The following SYNE2 variants were observed in gnomAD, a reference collection of about 807,000 sequenced individuals.
SYNE2 encodes the protein spectrin repeat containing nuclear envelope protein 2, also known as nesprin-2.
In SYNE2, 431 loss-of-function variants were observed where a neutral mutation model predicts 856.3. The observed-to-expected ratio is 0.50, with a 90% CI of 0.47 to 0.55. SYNE2 has a LOEUF of 0.55. SYNE2 is among the 20% of genes least tolerant of loss of function. The pLI is 0.00. For synonymous variants in SYNE2, 2,923 were observed against 2,872.3 expected, an observed-to-expected ratio of 1.02 and a Z score of -0.56; for missense variants, 8,129 against 8,023.2, an observed-to-expected ratio of 1.01 and a Z score of -0.50.
rs766395166 is a variant in SYNE2 at position 64,081,611 on chromosome 14, A to G, written c.11484+31A>G. Reference sequence around the variant, plus strand: ...TGTTCTTCCAGGTTTTCTGCCACTCATAGCATCTACATAAAGATTCGTGGC... The same window carrying G: ...TGTTCTTCCAGGTTTTCTGCCACTCGTAGCATCTACATAAAGATTCGTGGC... On this transcript the variant is annotated intron_variant, in intron 57 of 115. Transcript: ENST00000555002. The G allele has an allele frequency of 5.6e-6, 9 of 1,612,304 alleles. No individual in the cohort carries two copies. In the East Asian group the frequency reaches 1.1e-4, roughly 20 times the overall value.
intron 58 of SYNE2, 39 bp from the exon 59 acceptor site, chr14:64,089,535 C>T: frequency 6.3e-7 from 1 of 1,579,268 alleles, no homozygotes; most frequent in Non-Finnish European, 8.7e-7. Context: ...GATTAATATA[C>T]AATATATATT....
chr14:63,910,967 CTTTTGTTTG>C (rs1414265219), intron 2 of SYNE2, among the ~76,000 whole-genome samples: 3 of 152,034 alleles, frequency 2.0e-5, no homozygotes, highest in African/African-American at 7.2e-5. Flanking sequence ...TCTGCTTTTT[CTTTTGTTTG>C]TTTTGTTTTA....
In SYNE2 at chr14:64,143,502, G is replaced by T. The variant is rs17101694; in HGVS notation, c.15307-270G>T. ...TTGTCATATCCTGGGTCGTGGTCAG[G>T]GTTCAGATGATAGCAACTGCCATAC... On this transcript the variant is annotated intron_variant, in intron 82 of 115. Coordinates refer to ENST00000555002, the MANE Select transcript of SYNE2 (RefSeq NM_182914.3). 0.064 allele frequency among the ~76,000 whole-genome samples: 9,764 copies of T among 152,202 alleles called. 487 individuals carry two copies. The highest frequency in any genetic ancestry group is 0.13 in the African/African-American group (5,438 of 41,498).
At chr14:64,219,787 G>A (rs2098686259) in intron 110 of SYNE2, among the ~76,000 whole-genome samples, 1 of 152,170 alleles carries the variant, frequency 6.6e-6, no homozygotes, top group Admixed American at 6.5e-5. Context: ...GACTAGTGGT[G>A]GAATCTTCCT....
Position 63,884,832 on chromosome 14 carries a change from G to T in SYNE2, c.-51-24266G>T, listed in dbSNP as rs533512519. Reference sequence around the variant, plus strand: ...TATATATATATTTTTAGTAGAGATGGGGTTTCACCGGGTTAGCCAGGATGG... The same window carrying T: ...TATATATATATTTTTAGTAGAGATGTGGTTTCACCGGGTTAGCCAGGATGG... On this transcript the variant is annotated intron_variant, in intron 1 of 115. Coordinates refer to ENST00000555002, the MANE Select transcript of SYNE2 (RefSeq NM_182914.3). 3.3e-5 allele frequency among the ~76,000 whole-genome samples: 5 copies of T among 152,088 alleles called. No homozygotes were observed. In the South Asian group the frequency reaches 1.0e-3, roughly 32 times the overall value.
chr14:64,122,667 A>G (rs1178182849), intron 70 of SYNE2: 1 of 625,284 alleles, frequency 1.6e-6, no homozygotes, highest in Non-Finnish European at 2.8e-6. Context: ...CTGTTTGTTT[A>G]TAGTCTGTAT....
chr14:64,201,119 C>T (rs1023335567), intron 99 of SYNE2, among the ~76,000 whole-genome samples: 38 of 152,254 alleles, frequency 2.5e-4, no homozygotes, highest in African/African-American at 8.9e-4. Flanking sequence ...TCAGAGTCAG[C>T]GGTTAGGTAC....
intron 84 of SYNE2, among the ~76,000 whole-genome samples, chr14:64,150,420 C>G (rs2098231490): frequency 6.7e-6 from 1 of 150,150 alleles, no homozygotes; most frequent in African/African-American, 2.4e-5. Context: ...AGAGTTTTGT[C>G]ATGTTTCCCA....
In SYNE2 at chr14:63,797,631, G is replaced by A. The variant is rs1244539160; in HGVS notation, c.-305+35645G>A. Among the ~76,000 whole-genome samples, 8 of 152,258 alleles carry A rather than the reference G, an allele frequency of 5.3e-5. No individual in the cohort carries two copies. In the East Asian group the frequency reaches 9.7e-4, roughly 18 times the overall value. On this transcript the variant is annotated intron_variant, in intron 1 of 23. Coordinates refer to the SYNE2 transcript ENST00000674003. ...TAATTTTTGTATTTTCAGTAGAGAC[G>A]GGGTTTCGCCATGTTGGCCAGCCTG... is the stretch of plus-strand genomic sequence containing the variant.
intron 11 of SYNE2, among the ~76,000 whole-genome samples, chr14:63,971,696 G>A (rs1310228695): frequency 6.6e-6 from 1 of 151,328 alleles, no homozygotes; most frequent in Non-Finnish European, 1.5e-5. Flanking sequence ...AGAGATCTGA[G>A]TTTCTATTGA....
chr14:64,062,083 G>GCATACAA (rs2097321825), intron 49 of SYNE2, among the ~76,000 whole-genome samples: 1 of 151,958 alleles, frequency 6.6e-6, no homozygotes, highest in South Asian at 2.1e-4. Context: ...TAATTTTAGT[G>GCATACAA]TTTTAAAATA....
Position 64,186,424 on chromosome 14 carries a change from G to C in SYNE2, c.17557G>C (p.Glu5853Gln), listed in dbSNP as rs1158170304. 3.1e-6 allele frequency: 5 copies of C among 1,614,146 alleles called. No homozygotes were observed. The highest frequency in any genetic ancestry group is 3.4e-6 in the Non-Finnish European group (4 of 1,180,026). Residue 5853 changes from glutamate (E) to glutamine (Q), a missense_variant and splice_region_variant, in exon 97 of 116, where the codon GAA (glutamate) becomes CAA (glutamine). Physicochemically the swap from Glu to Gln is conservative, Grantham distance 29. Transcript: ENST00000555002. ...DLHNEKELIK[E>Q]LEQSLASWTQ... is the part of the protein sequence containing the mutation. ...ACCCCCTTCTTGTGATTAAATGCAGGAACTAGAACAGTCTTTGGCTAGCTG... is the reference window on the plus strand; with the variant it reads ...ACCCCCTTCTTGTGATTAAATGCAGCAACTAGAACAGTCTTTGGCTAGCTG...
intron 9 of SYNE2, among the ~76,000 whole-genome samples, chr14:63,962,641 A>T (rs941533914): frequency 6.6e-6 from 1 of 152,202 alleles, no homozygotes; most frequent in African/African-American, 2.4e-5. Context: ...TCACAGGCTT[A>T]AATGATTCTC....
At chr14:63,905,842 G>C (rs577186219) in intron 1 of SYNE2, among the ~76,000 whole-genome samples, 3 of 152,278 alleles carry the variant, frequency 2.0e-5, no homozygotes, top group Admixed American at 6.5e-5. Context: ...ATGTTGAATA[G>C]GAGTGGTGAG....
In SYNE2 at chr14:64,031,104, T is replaced by C. The variant is rs1344808744; in HGVS notation, c.6968T>C (p.Val2323Ala). 2 of 1,613,862 alleles carry C rather than the reference T, an allele frequency of 1.2e-6. No individual in the cohort carries two copies. The highest frequency in any genetic ancestry group is 8.5e-7 in the Non-Finnish European group (1 of 1,179,922). The change falls in exon 45 of 116, where the codon GTG (valine) becomes GCG (alanine). Residue 2323 changes from valine to alanine, a missense_variant. By Grantham distance (64) the Val-to-Ala change is moderately conservative (BLOSUM62 0). Around this residue, in one of 3 missense-constraint regions of SYNE2, gnomAD observed 297 missense variants for 380.9 expected, o/e 0.78. Coordinates refer to ENST00000555002, the MANE Select transcript of SYNE2 (RefSeq NM_182914.3). ...AKSVKQNTSS[V>A]GQKIIKDDIK... ...TCCGTCAAGCAAAATACATCTTCAGTGGGGCAGAAGATTATTAAAGATGAT... is the reference window on the plus strand; with the variant it reads ...TCCGTCAAGCAAAATACATCTTCAGCGGGGCAGAAGATTATTAAAGATGAT...
chr14:64,136,932 G>C (rs1020977540), intron 78 of SYNE2, among the ~76,000 whole-genome samples: 1 of 152,160 alleles, frequency 6.6e-6, no homozygotes, highest in Admixed American at 6.5e-5. Flanking sequence ...AAAAGGAGAG[G>C]GAGTAGGCTC....
At chr14:63,964,464 A>G (rs2153450616) in intron 10 of SYNE2, among the ~76,000 whole-genome samples, 1 of 152,358 alleles carries the variant, frequency 6.6e-6, no homozygotes, top group African/African-American at 2.4e-5. Flanking sequence ...CCCTTACAGT[A>G]AAAGTTTTCC....
chr14:64,104,042 G>C (rs192242372), intron 64 of SYNE2, among the ~76,000 whole-genome samples: 21 of 152,264 alleles, frequency 1.4e-4, no homozygotes, highest in African/African-American at 5.1e-4. Flanking sequence ...CCTATACTCA[G>C]CTCAGTATGG....
intron 10 of SYNE2, among the ~76,000 whole-genome samples, chr14:63,967,443 A>G (rs1178448471): frequency 6.6e-6 from 1 of 152,214 alleles, no homozygotes; most frequent in African/African-American, 2.4e-5. Flanking sequence ...TCTGTCCTGT[A>G]GCCCAGTGAC....
Sources: allele counts gnomAD v4.1 joint callset (sites outside exome capture counted in the v4.1 genomes callset), GRCh38; gene constraint gnomAD v4.1.1; regional missense constraint gnomAD v4.1.1; transcripts MANE v1.5; gene names NCBI Gene and HGNC (gene_info 2026-07-23, HGNC 2026-07-21).